Variants in ATP1A1 observed in about 807,000 individuals in gnomAD.
ATP1A1 encodes ATPase Na+/K+ transporting subunit alpha 1.
A neutral mutation model predicts 114.8 loss-of-function variants in ATP1A1; 14 were observed. The observed-to-expected ratio is 0.12, with a 90% CI of 0.08 to 0.19. ATP1A1 has a LOEUF of 0.19. Among genes scored for constraint, ATP1A1 ranks in the 10% least tolerant of loss-of-function variants. The probability of loss-of-function intolerance (pLI) is 1.00; values close to 1 mark genes in which losing one functional copy is unlikely to be tolerated. For missense variants in ATP1A1, 524 were observed against 1,290.7 expected, an observed-to-expected ratio of 0.41 and a Z score of 9.10; for synonymous variants, 471 against 466.3, an observed-to-expected ratio of 1.01 and a Z score of -0.13.
At position 116,397,280 on chromosome 1, in the gene ATP1A1, G is replaced by T. The variant is rs1456397899; in HGVS notation, c.1973+546G>T. Among the ~76,000 whole-genome samples the T allele has an allele frequency of 6.6e-6, 1 of 152,130 alleles. No homozygotes were observed. Among genetic ancestry groups the T allele is most frequent in the Non-Finnish European group, 1.5e-5 (1 of 68,014 alleles). On this transcript the variant is annotated intron_variant, in intron 14 of 22. Transcript: ENST00000295598. This position sits in a 1 kb window ranked among gnomAD's most constrained non-coding sequence, Gnocchi z 4.2. ...CACCCTATGTTACGGTTAGAGGAGG[G>T]TTTGGTCTTGTATCAGCTCTGCCAC...
At position 116,389,101 on chromosome 1, in the gene ATP1A1, T is replaced by G; in HGVS notation, c.754+82T>G. The G allele has an allele frequency of 3.2e-6, 4 of 1,250,760 alleles. No homozygotes were observed. The highest frequency in any genetic ancestry group is 1.5e-5 in the African/African-American group (1 of 66,180). 77.5% of individuals were successfully genotyped at this position (1,250,760 alleles called of 1,614,324 possible). A position where few individuals can be genotyped will look rare whatever the true frequency, so the allele number is the denominator to read the frequency against. On this transcript the variant is annotated intron_variant, in intron 7 of 22. Coordinates refer to ENST00000295598, the MANE Select transcript of ATP1A1 (RefSeq NM_000701.8). This position sits in a 1 kb window ranked among gnomAD's most constrained non-coding sequence, Gnocchi z 6.9. ...AAATCAAAACCATAGGCACAATCTC[T>G]TGTTTTATTGGCTCCATTTCTGAGA... is the stretch of plus-strand genomic sequence containing the variant.
intron 1 of ATP1A1, chr1:116,373,769 G>A: frequency 1.2e-6 from 1 of 844,926 alleles, no homozygotes; most frequent in Non-Finnish European, 1.4e-6. Context: ...GGGGTGGGCG[G>A]ACCCTGGGCG....
At position 116,401,983 on chromosome 1, in the gene ATP1A1, G is replaced by A. The variant is rs967052966; in HGVS notation, c.2951+328G>A. ...GTCCAGTTGTCTTTAGAGGCCAACT[G>A]GGGGTATGCTGGAGCGTAGGCGCCC... On this transcript the variant is annotated intron_variant, in intron 21 of 22. Transcript: ENST00000295598. This position sits in a 1 kb window ranked among gnomAD's most constrained non-coding sequence, Gnocchi z 4.7. 3.7e-6 allele frequency: 1 copy of A among 270,992 alleles called. No homozygotes were observed. Among genetic ancestry groups the A allele is most frequent in the African/African-American group, 2.2e-5 (1 of 45,036 alleles). 16.8% of individuals were successfully genotyped at this position (270,992 alleles called of 1,614,324 possible).
chr1:116,394,531 G>A (rs1195843267), intron 12 of ATP1A1, among the ~76,000 whole-genome samples: 8 of 151,800 alleles, frequency 5.3e-5, no homozygotes, highest in Admixed American at 2.0e-4. Context: ...TCATTGTAAC[G>A]TCATACAACA....
At position 116,392,893 on chromosome 1, in the gene ATP1A1, A is replaced by G. The variant is rs1652582299; in HGVS notation, c.1372A>G (p.Lys458Glu). 6.2e-7 allele frequency: 1 copy of G among 1,613,970 alleles called. No individual in the cohort carries two copies. Among genetic ancestry groups the G allele is most frequent in the African/African-American group, 1.3e-5 (1 of 74,908 alleles). Reference protein sequence around the residue: ...AGDASESALLKCIELCCGSVK... With the variant: ...AGDASESALLECIELCCGSVK... ...AGATGCCTCTGAGTCAGCACTCTTA[A>G]AGTGCATAGAGCTGTGCTGTGGTTC... Residue 458 changes from lysine (K) to glutamate (E), a missense_variant, in exon 11 of 23, where the codon AAG becomes GAG. Coordinates refer to ENST00000295598, the MANE Select transcript of ATP1A1 (RefSeq NM_000701.8).
At position 116,397,470 on chromosome 1, in the gene ATP1A1, C is replaced by A. The variant is rs1365974427; in HGVS notation, c.1974-418C>A. On this transcript the variant is annotated intron_variant, in intron 14 of 22. Coordinates refer to ENST00000295598, the MANE Select transcript of ATP1A1 (RefSeq NM_000701.8). This position sits in a 1 kb window ranked among gnomAD's most constrained non-coding sequence, Gnocchi z 4.2. Reference sequence around the variant, plus strand: ...AAGTAGCTGGGATTACAGGCCCCAACCACCATGCCCGGCTAATTTTTGAAT... The same window carrying A: ...AAGTAGCTGGGATTACAGGCCCCAAACACCATGCCCGGCTAATTTTTGAAT... Among the ~76,000 whole-genome samples the A allele has an allele frequency of 6.6e-6, 1 of 152,156 alleles. No homozygotes were observed. Among genetic ancestry groups the A allele is most frequent in the Non-Finnish European group, 1.5e-5 (1 of 68,034 alleles).
chr1:116,397,537 C>T lies in ATP1A1; in HGVS notation c.1974-351C>T, dbSNP rs1653033028. ...TGGCAAGCTGGTCTCGAACTCCTGA[C>T]CTCAAGTGATCCACTCACCTCAGCC... On this transcript the variant is annotated intron_variant, in intron 14 of 22. Transcript: ENST00000295598. The surrounding 1 kb of genome is among the most constrained non-coding windows in gnomAD (Gnocchi z 4.2). 6.6e-6 allele frequency among the ~76,000 whole-genome samples: 1 copy of T among 152,086 alleles called. No individual in the cohort carries two copies. Among genetic ancestry groups the T allele is most frequent in the African/African-American group, 2.4e-5 (1 of 41,402 alleles).
Position 116,384,836 on chromosome 1 carries a change from G to A in ATP1A1, c.177G>A (p.Leu59=), listed in dbSNP as rs1184491104. 6.2e-7 allele frequency: 1 copy of A among 1,613,638 alleles called. No individual in the cohort carries two copies. Among genetic ancestry groups the A allele is most frequent in the South Asian group, 1.1e-5 (1 of 90,974 alleles). Residue 59 remains leucine (L), a synonymous_variant, in exon 3 of 23, where the codon TTG becomes TTA. Coordinates refer to ENST00000295598, the MANE Select transcript of ATP1A1 (RefSeq NM_000701.8). The surrounding 1 kb of genome is among the most constrained non-coding windows in gnomAD (Gnocchi z 5.1). ...DELHRKYGTD[L]SRGLTSARAA... ...TTCATCGTAAATATGGAACAGACTTGAGCCGGGTATGTTCTAGTTTGAAAG... is the reference window on the plus strand; with the variant it reads ...TTCATCGTAAATATGGAACAGACTTAAGCCGGGTATGTTCTAGTTTGAAAG...
rs1652870594 is a variant in ATP1A1 at position 116,395,861 on chromosome 1, C to T, written c.1836+576C>T. 6.6e-6 allele frequency among the ~76,000 whole-genome samples: 1 copy of T among 152,178 alleles called. No homozygotes were observed. Among genetic ancestry groups the T allele is most frequent in the Admixed American group, 6.5e-5 (1 of 15,278 alleles). ...CCGCCTCCCAGGTTCAAGCAATTCTCCTGCCCCAGCCTCCCAAGTAGCTGG... is the reference window on the plus strand; with the variant it reads ...CCGCCTCCCAGGTTCAAGCAATTCTTCTGCCCCAGCCTCCCAAGTAGCTGG... On this transcript the variant is annotated intron_variant, in intron 13 of 22. Transcript: ENST00000295598. The surrounding 1 kb of genome is among the most constrained non-coding windows in gnomAD (Gnocchi z 6.4).
chr1:116,388,372 C>T lies in ATP1A1; in HGVS notation c.501+128C>T. On this transcript the variant is annotated intron_variant, in intron 5 of 22. Coordinates refer to ENST00000295598, the MANE Select transcript of ATP1A1 (RefSeq NM_000701.8). This position sits in a 1 kb window ranked among gnomAD's most constrained non-coding sequence, Gnocchi z 5.6. Reference sequence around the variant, plus strand: ...CATCAGAGAGATGGATGTCTTCTACCCCACCCAAAACCAACCTATTTTCCT... The same window carrying T: ...CATCAGAGAGATGGATGTCTTCTACTCCACCCAAAACCAACCTATTTTCCT... 1 of 1,009,962 alleles carries T rather than the reference C, an allele frequency of 9.9e-7. No homozygotes were observed. Among genetic ancestry groups the T allele is most frequent in the Non-Finnish European group, 1.5e-6 (1 of 686,190 alleles). The allele number at this position is 1,009,962 out of a possible 1,614,324, so 62.6% of individuals were successfully genotyped here.
chr1:116,402,441 T>A (rs764486340), intron 21 of ATP1A1, among the ~76,000 whole-genome samples: 3 of 152,176 alleles, frequency 2.0e-5, no homozygotes, highest in Non-Finnish European at 4.4e-5. Context: ...CTCAGACCCG[T>A]CTGGACCATC....
chr1:116,402,005 G>A (rs1261997658), intron 21 of ATP1A1: 3 of 222,770 alleles, frequency 1.3e-5, no homozygotes, highest in African/African-American at 2.3e-5. Context: ...GAGCGTAGGC[G>A]CCCAGGCTCA....
intron 1 of ATP1A1, among the ~76,000 whole-genome samples, chr1:116,374,997 C>A (rs1360756223): frequency 6.6e-6 from 1 of 152,134 alleles, no homozygotes; most frequent in Non-Finnish European, 1.5e-5. Flanking sequence ...CATCAAAGAG[C>A]GGAGTACAGG....
rs11540949 is a variant in ATP1A1 at position 116,393,613 on chromosome 1, G to A, written c.1550G>A (p.Arg517His). Residue 517 changes from arginine to histidine, a missense_variant, in exon 12 of 23, where the codon CGT becomes CAT. Around this residue, in one of 8 missense-constraint regions of ATP1A1, gnomAD observed 143 missense variants for 259.3 expected, o/e 0.55. Coordinates refer to ENST00000295598, the MANE Select transcript of ATP1A1 (RefSeq NM_000701.8). This position sits in a 1 kb window ranked among gnomAD's most constrained non-coding sequence, Gnocchi z 5.0. ...MKGAPERILD[R>H]CSSILLHGKE... ...GGCGCCCCAGAAAGGATCCTAGACC[G>A]TTGCAGCTCTATCCTCCTCCACGGC... 15 of 1,614,078 alleles carry A rather than the reference G, an allele frequency of 9.3e-6. No individual in the cohort carries two copies. Among genetic ancestry groups the A allele is most frequent in the African/African-American group, 2.7e-5 (2 of 74,934 alleles).
At chr1:116,377,232 A>G (rs185537287) in intron 1 of ATP1A1, among the ~76,000 whole-genome samples, 1 of 152,360 alleles carries the variant, frequency 6.6e-6, no homozygotes, top group East Asian at 1.9e-4. Context: ...CCTGGGGATC[A>G]AGTGAAGTAA....
chr1:116,388,119 T>G lies in ATP1A1; in HGVS notation c.388-12T>G, dbSNP rs768188325. On this transcript the variant is annotated splice_polypyrimidine_tract_variant and intron_variant, in intron 4 of 22. Coordinates refer to ENST00000295598, the MANE Select transcript of ATP1A1 (RefSeq NM_000701.8). This position sits in a 1 kb window ranked among gnomAD's most constrained non-coding sequence, Gnocchi z 5.6. Reference sequence around the variant, plus strand: ...TAGAGCCACGGGCCCTAACTTGTCTTTTCCCTTCCAGCTGTACCTGGGTGT... The same window carrying G: ...TAGAGCCACGGGCCCTAACTTGTCTGTTCCCTTCCAGCTGTACCTGGGTGT... The G allele has an allele frequency of 6.3e-6, 10 of 1,599,828 alleles. No individual in the cohort carries two copies. Among genetic ancestry groups the G allele is most frequent in the African/African-American group, 1.3e-5 (1 of 74,492 alleles).
intron 1 of ATP1A1, 115 bp downstream of exon 1, chr1:116,373,638 G>T (rs1004802236): frequency 1.8e-5 from 22 of 1,196,292 alleles, no homozygotes; most frequent in Non-Finnish European, 2.3e-5. Flanking sequence ...GCGGCGCCGC[G>T]TGGAGTGGGC....
In ATP1A1 at chr1:116,404,109, A is replaced by C. The variant is rs981186726; in HGVS notation, c.3043+134A>C. ...ATTAGCTAAGGTGACTGGACCAGCA[A>C]ACTGACCATAGTCACATCTTCAGAA... is the stretch of plus-strand genomic sequence containing the variant. On this transcript the variant is annotated intron_variant, in intron 22 of 22. Coordinates refer to ENST00000295598, the MANE Select transcript of ATP1A1 (RefSeq NM_000701.8). The surrounding 1 kb of genome is among the most constrained non-coding windows in gnomAD (Gnocchi z 4.8). 6.0e-6 allele frequency: 5 copies of C among 840,282 alleles called. No individual in the cohort carries two copies. In the African/African-American group the frequency reaches 8.6e-5, roughly 14 times the overall value. The allele number at this position is 840,282 out of a possible 1,614,324, so 52.1% of individuals were successfully genotyped here.
At position 116,389,014 on chromosome 1, in the gene ATP1A1, T is replaced by G; in HGVS notation, c.749T>G (p.Val250Gly). 6.2e-7 allele frequency: 1 copy of G among 1,613,966 alleles called. No homozygotes were observed. The highest frequency in any genetic ancestry group is 8.5e-7 in the Non-Finnish European group (1 of 1,179,910). The change falls in exon 7 of 23, where the codon GTT becomes GGT. Residue 250 changes from valine to glycine, a missense_variant. This residue lies in a region of ATP1A1 where 141 missense variants were observed against 316.6 expected (regional missense o/e 0.45). Coordinates refer to ENST00000295598, the MANE Select transcript of ATP1A1 (RefSeq NM_000701.8). This position sits in a 1 kb window ranked among gnomAD's most constrained non-coding sequence, Gnocchi z 6.9. ...ATTGCCTTCTTTTCAACCAATTGTG[T>G]TGAAGGTAGGCCATTTTTGGGCACT... ...RNIAFFSTNC[V>G]EGTARGIVVY...
Sources: gnomAD v4.1 joint callset for allele counts (sites outside exome capture counted in the v4.1 genomes callset) on GRCh38, gnomAD v4.1.1 for gene constraint, gnomAD v4.1.1 regional missense constraint, Gnocchi (gnomAD v3.1) non-coding constraint, MANE v1.5 for transcripts, NCBI Gene and HGNC (gene_info 2026-07-23, HGNC 2026-07-21) for gene names.